The following OPCML variants were observed in gnomAD, a reference collection of about 807,000 sequenced individuals.
OPCML encodes opioid-binding protein/cell adhesion molecule.
A neutral mutation model predicts 37.8 loss-of-function variants in OPCML; 13 were observed. The observed-to-expected ratio is 0.34, with a 90% confidence interval of 0.22 to 0.55. OPCML has a LOEUF of 0.55. OPCML is among the 20% of genes least tolerant of loss of function. The pLI, the probability that OPCML is intolerant of heterozygous loss-of-function variation, is 0.91. For synonymous variants in OPCML, 176 were observed against 168.8 expected (o/e 1.04, Z -0.33); for missense variants, 341 against 435.6 (o/e 0.78, Z 1.93).
chr11:132,930,002 C>A (rs1945145083), intron 2 of OPCML, among the ~76,000 whole-genome samples: 1 of 151,990 alleles, frequency 6.6e-6, no homozygotes. Flanking sequence ...AGATTAGAAC[C>A]AAGGCAGGAG....
intron 2 of OPCML, among the ~76,000 whole-genome samples, chr11:132,830,336 C>A (rs4491241): frequency 0.89 from 134,738 of 152,190 alleles, 60,809 homozygotes; most frequent in Middle Eastern, 0.96. Flanking sequence ...CTCAACATAC[C>A]CATAAAGCGG....
In OPCML at chr11:133,140,531, T is replaced by TAATAATAATAATAATAATAAG. The variant is rs1272061685; in HGVS notation, c.62-197522_62-197521insCTTATTATTATTATTATTATT. ...TGTCTCAAAATAATAATAATAATAA[T>TAATAATAATAATAATAATAAG]AAGAAGAAGAAGAAGAAGAAGAAGA... On this transcript the variant is annotated intron_variant, in intron 1 of 7. Coordinates refer to ENST00000524381, the MANE Select transcript of OPCML (RefSeq NM_001012393.5). Among the ~76,000 whole-genome samples the TAATAATAATAATAATAATAAG allele has an allele frequency of 1.6e-3, 140 of 88,088 alleles. 1 individual carries two copies. Among genetic ancestry groups the TAATAATAATAATAATAATAAG allele is most frequent in the Middle Eastern group, 0.014 (2 of 146 alleles). 57.8% of individuals were successfully genotyped at this position (88,088 alleles called of 152,430 possible).
intron 1 of OPCML, among the ~76,000 whole-genome samples, chr11:133,169,145 A>T (rs942681675): frequency 2.0e-5 from 3 of 152,142 alleles, no homozygotes; most frequent in African/African-American, 7.2e-5. Flanking sequence ...TAAATACATA[A>T]ATAAAAATTT....
intron 2 of OPCML, among the ~76,000 whole-genome samples, chr11:132,703,464 T>C (rs1943910476): frequency 6.6e-6 from 1 of 152,210 alleles, no homozygotes. Flanking sequence ...CCCTGATATT[T>C]GCAATCCTTG....
intron 1 of OPCML, among the ~76,000 whole-genome samples, chr11:133,158,708 TTAAAAAAATAAAATA>T (rs1177351764): frequency 0.011 from 1,182 of 109,024 alleles, 10 homozygotes; most frequent in African/African-American, 0.041. Context: ...AAAAATAAAA[TTAAAAAAATAAAATA>T]AAATAAAATA....
intron 2 of OPCML, among the ~76,000 whole-genome samples, chr11:132,927,222 A>T (rs1945025204): frequency 6.6e-6 from 1 of 152,140 alleles, no homozygotes; most frequent in Admixed American, 6.6e-5. Context: ...AGTAGGATAA[A>T]CCCAAGGATA....
intron 1 of OPCML, among the ~76,000 whole-genome samples, chr11:133,182,436 A>C (rs1287149802): frequency 1.3e-5 from 2 of 152,180 alleles, no homozygotes; most frequent in East Asian, 3.9e-4. Flanking sequence ...ACCAAGGCTA[A>C]CACCTTGCCA....
chr11:132,571,210 T>C (rs981519932), intron 3 of OPCML, among the ~76,000 whole-genome samples: 4 of 152,008 alleles, frequency 2.6e-5, no homozygotes, highest in African/African-American at 9.7e-5. Context: ...AGTGGTTTGC[T>C]GGGGGGTCTC....
intron 2 of OPCML, among the ~76,000 whole-genome samples, chr11:132,734,907 T>A (rs1438065435): frequency 6.6e-6 from 1 of 152,168 alleles, no homozygotes; most frequent in Non-Finnish European, 1.5e-5. Context: ...GAAAAAAATG[T>A]CACTGGAAAC....
intron 3 of OPCML, among the ~76,000 whole-genome samples, chr11:132,549,288 A>G (rs940148455): frequency 2.0e-5 from 3 of 152,230 alleles, no homozygotes; most frequent in Admixed American, 2.0e-4. Flanking sequence ...TGCTATGGCA[A>G]TGTCAGGAAG....
intron 2 of OPCML, among the ~76,000 whole-genome samples, chr11:132,806,220 CA>C (rs1329171189): frequency 6.6e-6 from 1 of 151,968 alleles, no homozygotes; most frequent in Non-Finnish European, 1.5e-5. Flanking sequence ...AACATACAAA[CA>C]AAAAACCAAA....
At chr11:133,370,511 G>A (rs1944650458) in intron 1 of OPCML, among the ~76,000 whole-genome samples, 1 of 146,430 alleles carries the variant, frequency 6.8e-6, no homozygotes, top group African/African-American at 2.5e-5. Flanking sequence ...AAAAAACCTA[G>A]GAATAAATTT....
intron 4 of OPCML, among the ~76,000 whole-genome samples, chr11:132,450,406 G>A (rs1338752765): frequency 6.6e-6 from 1 of 152,136 alleles, no homozygotes; most frequent in Non-Finnish European, 1.5e-5. Flanking sequence ...TTTGGAAGAG[G>A]CTGCTGCACA....
chr11:133,259,853 C>G (rs546629960), intron 1 of OPCML, among the ~76,000 whole-genome samples: 2 of 152,150 alleles, frequency 1.3e-5, no homozygotes, highest in African/African-American at 2.4e-5. Context: ...ATTTACTAAG[C>G]ACCTTCTATG....
chr11:133,439,522 C>T (rs774700321), intron 1 of OPCML: 20 of 785,696 alleles, frequency 2.5e-5, no homozygotes, highest in Non-Finnish European at 3.1e-5. Context: ...GGCTGGAGTG[C>T]AGTGGCTCCA....
At chr11:133,209,966 G>T (rs1486894414) in intron 1 of OPCML, among the ~76,000 whole-genome samples, 1 of 152,146 alleles carries the variant, frequency 6.6e-6, no homozygotes, top group Non-Finnish European at 1.5e-5. Context: ...GAGTTGGGAA[G>T]AAAAAAATGG....
chr11:133,254,429 C>T (rs1205326261), intron 1 of OPCML, among the ~76,000 whole-genome samples: 2 of 152,166 alleles, frequency 1.3e-5, no homozygotes, highest in Non-Finnish European at 2.9e-5. Flanking sequence ...AAAACAAAGG[C>T]ATTTGGGTAC....
chr11:132,721,738 C>A (rs1028824738), intron 2 of OPCML, among the ~76,000 whole-genome samples: 2 of 151,976 alleles, frequency 1.3e-5, no homozygotes, highest in Admixed American at 1.3e-4. Context: ...GGGGTAGAAA[C>A]CGGACTGCTG....
At chr11:132,479,172 G>C (rs757442406) in intron 4 of OPCML, among the ~76,000 whole-genome samples, 7 of 152,030 alleles carry the variant, frequency 4.6e-5, no homozygotes, top group Non-Finnish European at 1.0e-4. Flanking sequence ...AGGTCAGTGG[G>C]TGCATGAGCC....
Sources: allele counts gnomAD v4.1 joint callset (sites outside exome capture counted in the v4.1 genomes callset), GRCh38; gene constraint gnomAD v4.1.1; transcripts MANE v1.5; gene names NCBI Gene and HGNC (gene_info 2026-07-23, HGNC 2026-07-21).